SNX3: variants seen among roughly 807,000 people sequenced by gnomAD.
SNX3 encodes the protein sorting nexin 3.
A neutral mutation model predicts 17.7 loss-of-function variants in SNX3; 5 were observed. The observed-to-expected ratio is 0.28, with a 90% confidence interval of 0.15 to 0.59. The LOEUF is 0.59. Ranked by LOEUF, SNX3 falls within the 20% of genes least tolerant of loss-of-function variation. The pLI is 0.88. For synonymous variants in SNX3, 91 were observed against 76.5 expected, an observed-to-expected ratio of 1.19 and a Z score of -0.99; for missense variants, 132 against 206.8, an observed-to-expected ratio of 0.64 and a Z score of 2.22.
chr6:108,211,302 A>T lies in SNX3; in HGVS notation c.*847T>A, dbSNP rs1582462146. ...ACAAAGTGCTTCAAAATGATTCAAT[A>T]AGCCTTAAGCAATACATTTTTTAGT... On this transcript the variant is annotated 3_prime_UTR_variant, in exon 4 of 4. Coordinates refer to ENST00000230085, the MANE Select transcript of SNX3 (RefSeq NM_003795.6). 1 of 152,342 alleles carries T rather than the reference A, an allele frequency of 6.6e-6. No individual in the cohort carries two copies. Among genetic ancestry groups the T allele is most frequent in the Middle Eastern group, 3.4e-3 (1 of 294 alleles). The allele number at this position is 152,342 out of a possible 1,614,324, so 9.4% of individuals were successfully genotyped here. A position where few individuals can be genotyped will look rare whatever the true frequency, so the allele number is the denominator to read the frequency against.
intron 1 of SNX3, among the ~76,000 whole-genome samples, chr6:108,259,511 C>A (rs570757712): frequency 6.6e-6 from 1 of 152,240 alleles, no homozygotes; most frequent in Non-Finnish European, 1.5e-5. Flanking sequence ...GGATTACAGG[C>A]ATGAGCCACC....
rs374318816 is a variant in SNX3 at position 108,229,428 on chromosome 6, C to T, written c.163-6383G>A. On this transcript the variant is annotated intron_variant, in intron 1 of 3. Transcript: ENST00000230085. ...AGTCTCTCTGCTTCCCCTCCCTCTC[C>T]CCCTCCCTCCCTCCCCTTCCTTCCT... Among the ~76,000 whole-genome samples, 91 of 151,254 alleles carry T rather than the reference C, an allele frequency of 6.0e-4. No individual in the cohort carries two copies. The South Asian group carries it at 0.019, about 31-fold the overall frequency.
intron 1 of SNX3, among the ~76,000 whole-genome samples, chr6:108,232,772 T>A (rs1053210324): frequency 6.6e-6 from 1 of 152,170 alleles, no homozygotes; most frequent in African/African-American, 2.4e-5. Flanking sequence ...AATATCTACA[T>A]CTAGAGATAA....
intron 3 of SNX3, among the ~76,000 whole-genome samples, chr6:108,212,882 CTTTTTTT>C (rs776376957): frequency 3.7e-4 from 44 of 118,960 alleles, no homozygotes; most frequent in African/African-American, 1.1e-3. Context: ...TCCTAAGAAT[CTTTTTTT>C]TTTTTTTTTT....
rs778006414 is a variant in SNX3, at chr6:108,260,877, C to T, written c.45G>A (p.Pro15=). 3 of 1,611,546 alleles carry T rather than the reference C, an allele frequency of 1.9e-6. No homozygotes were observed. Among genetic ancestry groups the T allele is most frequent in the East Asian group, 2.3e-5 (1 of 44,422 alleles). Reference sequence around the variant, plus strand: ...GTCCGTAGGCGTCATTCAGGTTCTGCGGCTTGGTGATCAGCCGCCGGGTGT... The same window carrying T: ...GTCCGTAGGCGTCATTCAGGTTCTGTGGCTTGGTGATCAGCCGCCGGGTGT... The part of the protein sequence containing the change: ...VADTRRLITK[P]QNLNDAYGPP... The change falls in exon 1 of 4, where the codon CCG becomes CCA. Residue 15 remains proline, a synonymous_variant. Transcript: ENST00000230085.
chr6:108,220,517 CA>C (rs1369800382), intron 2 of SNX3, among the ~76,000 whole-genome samples: 1 of 152,036 alleles, frequency 6.6e-6, no homozygotes, highest in Non-Finnish European at 1.5e-5. Context: ...TAGGCTGTAC[CA>C]TATAGCCTAG....
chr6:108,246,558 G>T (rs747123906), intron 1 of SNX3, among the ~76,000 whole-genome samples: 1 of 150,522 alleles, frequency 6.6e-6, no homozygotes, highest in Non-Finnish European at 1.5e-5. Flanking sequence ...TCAAACTCCT[G>T]ATCTCTGGTG....
intron 1 of SNX3, among the ~76,000 whole-genome samples, chr6:108,240,264 G>C (rs1775476029): frequency 6.6e-6 from 1 of 152,166 alleles, no homozygotes. Flanking sequence ...TGTTGCCCAG[G>C]CTGGAGTGCA....
Position 108,212,125 on chromosome 6 carries a change from G to A in SNX3, c.*24C>T, listed in dbSNP as rs920228067. The A allele has an allele frequency of 5.4e-6, 7 of 1,306,768 alleles. No individual in the cohort carries two copies. Among genetic ancestry groups the A allele is most frequent in the East Asian group, 4.6e-5 (2 of 43,040 alleles). The allele number at this position is 1,306,768 out of a possible 1,614,324, so 80.9% of individuals were successfully genotyped here. ...GTGCTTATCAATCATTAATAGTCAC[G>A]TTTTTGCCCCTTCTTGCCAAATTTC... On this transcript the variant is annotated 3_prime_UTR_variant, in exon 4 of 4. Coordinates refer to ENST00000230085, the MANE Select transcript of SNX3 (RefSeq NM_003795.6).
chr6:108,260,343 A>T (rs1251291870), intron 1 of SNX3, among the ~76,000 whole-genome samples: 1 of 152,178 alleles, frequency 6.6e-6, no homozygotes, highest in Non-Finnish European at 1.5e-5. Flanking sequence ...TTGGCTTGCT[A>T]CCTCTGGGAA....
intron 1 of SNX3, among the ~76,000 whole-genome samples, chr6:108,246,634 CCTTT>C (rs1775701126): frequency 6.6e-6 from 1 of 150,614 alleles, no homozygotes. Context: ...CTCCTGCCTC[CCTTT>C]TTTTTTCTTA....
At chr6:108,253,759 G>A (rs2114768393) in intron 1 of SNX3, among the ~76,000 whole-genome samples, 1 of 152,172 alleles carries the variant, frequency 6.6e-6, no homozygotes, top group South Asian at 2.1e-4. Flanking sequence ...CTATCTCAGT[G>A]AGACAGATAG....
At chr6:108,222,277 G>A (rs181573964) in intron 2 of SNX3, 9 of 1,304,190 alleles carry the variant, frequency 6.9e-6, no homozygotes, top group East Asian at 1.1e-4. Flanking sequence ...AGCACACCAC[G>A]TCCTTCCATG....
chr6:108,234,945 A>G (rs761313138), intron 1 of SNX3, among the ~76,000 whole-genome samples: 6 of 152,240 alleles, frequency 3.9e-5, no homozygotes, highest in Admixed American at 6.5e-5. Flanking sequence ...CCTTAGAATA[A>G]ACCCTAAAGG....
chr6:108,215,166 G>A lies in SNX3; in HGVS notation c.259-544C>T, dbSNP rs528685706. 3.3e-5 allele frequency among the ~76,000 whole-genome samples: 5 copies of A among 151,670 alleles called. No individual in the cohort carries two copies. In the East Asian group the frequency reaches 5.9e-4, roughly 18 times the overall value. ...AGATCGAGACCATCCTGGCTAACAC[G>A]GTGAAACCCTGTCTCTACTAAAAAA... On this transcript the variant is annotated intron_variant, in intron 2 of 3. Transcript: ENST00000230085.
At chr6:108,247,923 C>A (rs1315009842) in intron 1 of SNX3, among the ~76,000 whole-genome samples, 1 of 151,732 alleles carries the variant, frequency 6.6e-6, no homozygotes, top group Non-Finnish European at 1.5e-5. Context: ...CACAGCAAGA[C>A]CCTGTCACTA....
intron 2 of SNX3, among the ~76,000 whole-genome samples, chr6:108,221,270 G>GT (rs201899281): frequency 0.021 from 2,945 of 140,690 alleles, 64 homozygotes; most frequent in South Asian, 0.093. Flanking sequence ...GTTTAGCTTT[G>GT]TTTTTTTTTT....
chr6:108,260,539 C>G (rs1441978265), intron 1 of SNX3, among the ~76,000 whole-genome samples: 1 of 152,218 alleles, frequency 6.6e-6, no homozygotes, highest in Non-Finnish European at 1.5e-5. Context: ...CCCTCCTCTT[C>G]GAGCACCTTC....
intron 2 of SNX3, chr6:108,222,109 C>A: frequency 1.1e-6 from 1 of 869,840 alleles, no homozygotes; most frequent in Non-Finnish European, 1.5e-6. Flanking sequence ...TGCTCATATG[C>A]AGCCACTTTT....
Sources: gnomAD v4.1 joint callset for allele counts (sites outside exome capture counted in the v4.1 genomes callset) on GRCh38, gnomAD v4.1.1 for gene constraint, MANE v1.5 for transcripts, NCBI Gene and HGNC (gene_info 2026-07-23, HGNC 2026-07-21) for gene names.